GRID2: variants seen among roughly 807,000 people sequenced by gnomAD.
The protein encoded by GRID2 is glutamate receptor ionotropic, delta-2.
In GRID2, 33 loss-of-function variants were observed where a neutral mutation model predicts 114.8. That is an observed-to-expected ratio of 0.29 (90% CI 0.22 to 0.38). The LOEUF (loss-of-function observed/expected upper bound fraction) is 0.38. Among genes scored for constraint, GRID2 ranks in the 10% least tolerant of loss-of-function variants. GRID2 has a pLI of 1.00. For missense variants in GRID2, 1,184 were observed against 1,257.7 expected, an observed-to-expected ratio of 0.94 and a Z score of 0.89; for synonymous variants, 505 against 449.9, an observed-to-expected ratio of 1.12 and a Z score of -1.55.
At chr4:92,640,440 A>G (rs1731287763) in intron 2 of GRID2, among the ~76,000 whole-genome samples, 1 of 151,916 alleles carries the variant, frequency 6.6e-6, no homozygotes, top group Admixed American at 6.6e-5. Context: ...TAATGTTAGA[A>G]TGCATGAAAA....
chr4:92,821,656 T>C (rs1000503578), intron 2 of GRID2, among the ~76,000 whole-genome samples: 3 of 152,146 alleles, frequency 2.0e-5, no homozygotes, highest in African/African-American at 7.2e-5. Context: ...AACTTACAAA[T>C]TGTGTTGGAA....
chr4:93,743,551 G>A (rs956328623), intron 14 of GRID2, among the ~76,000 whole-genome samples: 3 of 152,172 alleles, frequency 2.0e-5, no homozygotes, highest in African/African-American at 7.2e-5. Context: ...GCCTCAGGGT[G>A]CTTCCTCTCA....
intron 1 of GRID2, among the ~76,000 whole-genome samples, chr4:92,589,515 C>G (rs1426139159): frequency 6.6e-6 from 1 of 152,138 alleles, no homozygotes; most frequent in Non-Finnish European, 1.5e-5. Flanking sequence ...ATAAAAAATG[C>G]TATAATTATC....
chr4:92,933,137 C>A (rs1750372254), intron 2 of GRID2, among the ~76,000 whole-genome samples: 1 of 150,038 alleles, frequency 6.7e-6, no homozygotes, highest in African/African-American at 2.4e-5. Flanking sequence ...ACAATATGTA[C>A]AATTTTATAC....
chr4:93,246,034 C>T (rs1175644333), intron 8 of GRID2, among the ~76,000 whole-genome samples: 1 of 152,144 alleles, frequency 6.6e-6, no homozygotes, highest in Non-Finnish European at 1.5e-5. Flanking sequence ...TAGCATGAAA[C>T]ACTAACTTTT....
At chr4:92,917,847 C>T (rs1748941237) in intron 2 of GRID2, among the ~76,000 whole-genome samples, 1 of 152,022 alleles carries the variant, frequency 6.6e-6, no homozygotes, top group African/African-American at 2.4e-5. Flanking sequence ...TTTTTTGGTT[C>T]CATGTGAGCT....
intron 2 of GRID2, among the ~76,000 whole-genome samples, chr4:92,741,970 G>A (rs1457627634): frequency 2.6e-5 from 4 of 152,120 alleles, no homozygotes; most frequent in Non-Finnish European, 5.9e-5. Flanking sequence ...AAATGTTTGT[G>A]TGTACAGATA....
At position 92,482,023 on chromosome 4, in the gene GRID2, TATATATATATAA is replaced by T. The variant is rs1448396055; in HGVS notation, c.89-108106_89-108095del. Among the ~76,000 whole-genome samples, 439 of 64,666 alleles carry T rather than the reference TATATATATATAA, an allele frequency of 6.8e-3. 14 individuals are homozygous for T. Among genetic ancestry groups the T allele is most frequent in the African/African-American group, 0.022 (379 of 17,410 alleles). 42.4% of individuals were successfully genotyped at this position (64,666 alleles called of 152,430 possible). The stretch of plus-strand genomic sequence containing the variant: ...ATATATATATATATATATATATATA[TATATATATATAA>T]AATAACAATACAAGCTTATAGCTGC... On this transcript the variant is annotated intron_variant, in intron 1 of 15. Transcript: ENST00000282020.
At chr4:92,414,542 A>T (rs1731497552) in intron 1 of GRID2, among the ~76,000 whole-genome samples, 2 of 152,198 alleles carry the variant, frequency 1.3e-5, no homozygotes, top group Admixed American at 1.3e-4. Flanking sequence ...GATTTAGGAG[A>T]GAAAGCAAAA....
rs182104199 is a variant in GRID2 at position 93,501,210 on chromosome 4, C to A, written c.1997+10433C>A. ...TTAGATAGAAATATGAAAGCCATTTCTTTGTCCTATTATTCCAGGATAAGA... is the reference window on the plus strand; with the variant it reads ...TTAGATAGAAATATGAAAGCCATTTATTTGTCCTATTATTCCAGGATAAGA... On this transcript the variant is annotated intron_variant, in intron 12 of 15. Transcript: ENST00000282020. Among the ~76,000 whole-genome samples the A allele has an allele frequency of 4.6e-5, 7 of 152,046 alleles. No homozygotes were observed. The East Asian group carries it at 1.4e-3, about 30-fold the overall frequency.
chr4:93,214,443 C>T (rs1322671866), intron 5 of GRID2, among the ~76,000 whole-genome samples: 6 of 151,912 alleles, frequency 3.9e-5, no homozygotes, highest in Admixed American at 1.3e-4. Context: ...AGTAAAGTTC[C>T]GTAAATATAA....
intron 1 of GRID2, among the ~76,000 whole-genome samples, chr4:92,454,808 C>T (rs1721122467): frequency 6.6e-6 from 1 of 152,208 alleles, no homozygotes; most frequent in Non-Finnish European, 1.5e-5. Context: ...TGCACTCCAG[C>T]CTGGGGGACA....
At chr4:93,042,475 C>A (rs562118596) in intron 2 of GRID2, among the ~76,000 whole-genome samples, 22 of 148,472 alleles carry the variant, frequency 1.5e-4, no homozygotes, top group African/African-American at 3.7e-4. Context: ...TTACTAGTGT[C>A]TCTGAAGTAA....
At chr4:93,473,499 AGT>A (rs1725037451) in intron 11 of GRID2, among the ~76,000 whole-genome samples, 1 of 152,190 alleles carries the variant, frequency 6.6e-6, no homozygotes, top group African/African-American at 2.4e-5. Context: ...AAGAAGCTTA[AGT>A]ACATTCAAAC....
chr4:92,532,942 T>C (rs1194886544), intron 1 of GRID2, among the ~76,000 whole-genome samples: 8 of 151,970 alleles, frequency 5.3e-5, no homozygotes, highest in Admixed American at 5.3e-4. Context: ...TAGGTAGGTG[T>C]GGTGGCGTGC....
chr4:93,114,374 C>T (rs1418003320), intron 4 of GRID2, among the ~76,000 whole-genome samples: 2 of 152,158 alleles, frequency 1.3e-5, no homozygotes, highest in Non-Finnish European at 2.9e-5. Context: ...GAACTTTATA[C>T]TTATAATAAT....
intron 13 of GRID2, among the ~76,000 whole-genome samples, chr4:93,603,565 A>G (rs1181665036): frequency 6.6e-6 from 1 of 152,236 alleles, no homozygotes; most frequent in South Asian, 2.1e-4. Context: ...TGGCTACACT[A>G]AACAACAGAT....
intron 13 of GRID2, among the ~76,000 whole-genome samples, chr4:93,553,389 T>C (rs1269531687): frequency 1.1e-4 from 16 of 152,328 alleles, no homozygotes; most frequent in Non-Finnish European, 2.4e-4. Flanking sequence ...TTATGGGAAC[T>C]CTTGCTAACT....
intron 12 of GRID2, among the ~76,000 whole-genome samples, chr4:93,512,330 A>G (rs1729273269): frequency 6.6e-6 from 1 of 152,206 alleles, no homozygotes; most frequent in African/African-American, 2.4e-5. Flanking sequence ...AAGGCTCATA[A>G]TATAGGCTAC....
Sources: allele counts gnomAD v4.1 joint callset (sites outside exome capture counted in the v4.1 genomes callset), GRCh38; gene constraint gnomAD v4.1.1; transcripts MANE v1.5; gene names NCBI Gene and HGNC (gene_info 2026-07-23, HGNC 2026-07-21).